The following SH3KBP1 variants were observed in gnomAD, a reference collection of about 807,000 sequenced individuals.
The protein encoded by SH3KBP1 is SH3 domain-containing kinase-binding protein 1.
A neutral mutation model predicts 50.1 loss-of-function variants in SH3KBP1; 8 were observed. The ratio of observed to expected loss-of-function variants is 0.16; its 90% CI spans 0.09 to 0.29. SH3KBP1 has a LOEUF of 0.29. Ranked by LOEUF, SH3KBP1 falls within the 10% of genes least tolerant of loss-of-function variation. The pLI, the probability that SH3KBP1 is intolerant of heterozygous loss-of-function variation, is 1.00. For synonymous variants in SH3KBP1, 227 were observed against 218.6 expected, an observed-to-expected ratio of 1.04 and a Z score of -0.34; for missense variants, 377 against 535.2, an observed-to-expected ratio of 0.70 and a Z score of 2.92.
Position 19,785,409 on chromosome X carries a change from T to C in SH3KBP1, c.163-38968A>G, listed in dbSNP as rs913370531. Among the ~76,000 whole-genome samples the C allele has an allele frequency of 4.4e-4, 48 of 108,416 alleles. 1 individual carries two copies. The highest frequency in any genetic ancestry group is 1.1e-4 in the Non-Finnish European group (6 of 52,372). 94.1% of individuals were successfully genotyped at this position (108,416 alleles called of 115,157 possible). A position where few individuals can be genotyped will look rare whatever the true frequency, so the allele number is the denominator to read the frequency against. ...TAGGCGTGGTGGTACGTACCTGTGG[T>C]CCCAGCTACTTGGGAGGCTGAGGTG... On this transcript the variant is annotated intron_variant, in intron 2 of 17. Transcript: ENST00000397821.
chrX:19,811,273 T>C (rs1392570995), intron 2 of SH3KBP1, among the ~76,000 whole-genome samples: 1 of 111,759 alleles, frequency 8.9e-6, no homozygotes, highest in Non-Finnish European at 1.9e-5. Flanking sequence ...GCTACCATCC[T>C]GATTCCTTTC....
intron 11 of SH3KBP1, among the ~76,000 whole-genome samples, chrX:19,590,590 T>C (rs989626350): frequency 5.5e-5 from 6 of 109,273 alleles, no homozygotes; most frequent in African/African-American, 1.3e-4. Context: ...ACCCAGAAAC[T>C]AGCCATGTGT....
At chrX:19,566,755 T>C (rs1036332430) in intron 13 of SH3KBP1, among the ~76,000 whole-genome samples, 4 of 112,249 alleles carry the variant, frequency 3.6e-5, no homozygotes, top group African/African-American at 1.3e-4. Context: ...GCTTCCTGAC[T>C]GGGCTTCTCA....
intron 1 of SH3KBP1, among the ~76,000 whole-genome samples, chrX:19,844,309 G>A (rs1241797786): frequency 2.7e-5 from 3 of 111,652 alleles, no homozygotes. Context: ...CTCAATAAAT[G>A]TTGGTGACTG....
intron 2 of SH3KBP1, among the ~76,000 whole-genome samples, chrX:19,820,066 G>GT (rs2067481010): frequency 8.9e-6 from 1 of 111,798 alleles, no homozygotes; most frequent in Non-Finnish European, 1.9e-5. Context: ...TATGGTCAAA[G>GT]AACACCTTTT....
rs780731065 is a variant in SH3KBP1 at position 19,558,068 on chromosome X, A to G, written c.1385-7985T>C. ...ATTTGCATTCCTTTAAAAATTGCTCACTACAGGCCCAAATTTGCTATGCAA... is the reference window on the plus strand; with the variant it reads ...ATTTGCATTCCTTTAAAAATTGCTCGCTACAGGCCCAAATTTGCTATGCAA... On this transcript the variant is annotated intron_variant, in intron 13 of 17. Coordinates refer to ENST00000397821, the MANE Select transcript of SH3KBP1 (RefSeq NM_031892.3). Among the ~76,000 whole-genome samples, 12 of 112,111 alleles carry G rather than the reference A, an allele frequency of 1.1e-4. No homozygotes were observed. In the East Asian group the frequency reaches 2.0e-3, roughly 18 times the overall value.
chrX:19,839,339 A>T (rs763763282), intron 1 of SH3KBP1, among the ~76,000 whole-genome samples: 22 of 100,625 alleles, frequency 2.2e-4, no homozygotes, highest in African/African-American at 2.2e-4. Flanking sequence ...AAAAAACAAA[A>T]TTTTTTTTTT....
At chrX:19,585,690 CCAGCAGCAGCAG>C (rs760758680) in intron 12 of SH3KBP1, among the ~76,000 whole-genome samples, 20 of 108,706 alleles carry the variant, frequency 1.8e-4, no homozygotes, top group Admixed American at 3.9e-4. Context: ...ACCACCACTA[CCAGCAGCAGCAG>C]CAGCAGCAGC....
intron 2 of SH3KBP1, among the ~76,000 whole-genome samples, chrX:19,816,520 T>A (rs1274622705): frequency 8.9e-6 from 1 of 112,262 alleles, no homozygotes; most frequent in Non-Finnish European, 1.9e-5. Context: ...TTTAATAGAT[T>A]GTGTTGGCCA....
At position 19,591,405 on chromosome X, in the gene SH3KBP1, T is replaced by C. The variant is rs189358099; in HGVS notation, c.1138+662A>G. Among the ~76,000 whole-genome samples the C allele has an allele frequency of 7.2e-5, 8 of 111,552 alleles. No individual in the cohort carries two copies. The East Asian group carries it at 2.3e-3, about 32-fold the overall frequency. On this transcript the variant is annotated intron_variant, in intron 11 of 17. Transcript: ENST00000397821. Reference sequence around the variant, plus strand: ...AATTCTTTGGGAGAGACTCTCAAAATGGTAGGAGTCAAACGCGTTCATAAA... The same window carrying C: ...AATTCTTTGGGAGAGACTCTCAAAACGGTAGGAGTCAAACGCGTTCATAAA...
intron 3 of SH3KBP1, among the ~76,000 whole-genome samples, chrX:19,739,298 G>T (rs1217880388): frequency 8.9e-6 from 1 of 112,207 alleles, no homozygotes; most frequent in African/African-American, 3.2e-5. Flanking sequence ...TGCCTGTAGA[G>T]AATTCACAAA....
At chrX:19,541,798 T>C in intron 16 of SH3KBP1, 127 bp downstream of exon 16, 1 of 743,573 alleles carries the variant, frequency 1.3e-6, no homozygotes, top group Non-Finnish European at 2.0e-6. Flanking sequence ...CCACCATTGC[T>C]GCCACCATCA....
chrX:19,593,668 G>A (rs115307723), intron 10 of SH3KBP1, among the ~76,000 whole-genome samples: 4,799 of 110,550 alleles, frequency 0.043, 292 homozygotes, highest in African/African-American at 0.15. Flanking sequence ...AATGAAGTCG[G>A]TATCATTCCT....
intron 15 of SH3KBP1, among the ~76,000 whole-genome samples, chrX:19,545,031 C>G (rs2065045696): frequency 8.9e-6 from 1 of 112,448 alleles, no homozygotes; most frequent in African/African-American, 3.2e-5. Flanking sequence ...ATAATTACAA[C>G]TGATCTGTTG....
intron 2 of SH3KBP1, among the ~76,000 whole-genome samples, chrX:19,772,636 T>C (rs1011481689): frequency 5.4e-5 from 6 of 111,580 alleles, no homozygotes; most frequent in Non-Finnish European, 1.1e-4. Flanking sequence ...GAAGAGTTTC[T>C]GCAGTAGAGA....
At chrX:19,759,403 G>A (rs184054601) in intron 2 of SH3KBP1, among the ~76,000 whole-genome samples, 147 of 111,899 alleles carry the variant, frequency 1.3e-3, no homozygotes, top group African/African-American at 4.6e-3. Context: ...TGACCAGCAC[G>A]AGGGCCAACG....
intron 2 of SH3KBP1, among the ~76,000 whole-genome samples, chrX:19,802,186 A>G (rs1040568937): frequency 4.5e-5 from 5 of 110,688 alleles, no homozygotes; most frequent in Non-Finnish European, 9.5e-5. Flanking sequence ...TGAGGCCAGG[A>G]GTTCGAGACC....
intron 1 of SH3KBP1, among the ~76,000 whole-genome samples, chrX:19,855,610 TTAGCCTCTACCTGGCTCAGTGCTACACA>T (rs753330122): frequency 0.13 from 13,952 of 108,601 alleles, 1,104 homozygotes; most frequent in African/African-American, 0.19. Flanking sequence ...TCATTTACTC[TTAGCCTCTACCTGGCTCAGTGCTACACA>T]TAGCCTCTAC....
chrX:19,655,224 AATTCATTCATTCCTCATTCATTCATTC>A lies in SH3KBP1; in HGVS notation c.727-9776_727-9750del, dbSNP rs2062242634. Among the ~76,000 whole-genome samples the A allele has an allele frequency of 4.5e-5, 5 of 110,742 alleles. No individual in the cohort carries two copies. The South Asian group carries it at 1.9e-3, about 41-fold the overall frequency. On this transcript the variant is annotated intron_variant, in intron 6 of 17. Coordinates refer to ENST00000397821, the MANE Select transcript of SH3KBP1 (RefSeq NM_031892.3). ...AATGAAGGTTGGATTCAATTACCTT[AATTCATTCATTCCTCATTCATTCATTC>A]ATTCATTCATTCATTCAGCATTCTT... is the stretch of plus-strand genomic sequence containing the variant.
Sources: allele counts gnomAD v4.1 joint callset (sites outside exome capture counted in the v4.1 genomes callset), GRCh38; gene constraint gnomAD v4.1.1; transcripts MANE v1.5; gene names NCBI Gene and HGNC (gene_info 2026-07-23, HGNC 2026-07-21).